Variants in ADAM10 observed in about 807,000 individuals in gnomAD.
ADAM10 encodes the protein disintegrin and metalloproteinase domain-containing protein 10.
In ADAM10, 17 loss-of-function variants were observed where a neutral mutation model predicts 90.1. The ratio of observed to expected loss-of-function variants is 0.19; its 90% CI spans 0.13 to 0.28. ADAM10 has a LOEUF of 0.28. Ranked by LOEUF, ADAM10 falls within the 10% of genes least tolerant of loss-of-function variation. ADAM10 has a pLI of 1.00. For synonymous variants in ADAM10, 310 were observed against 298.6 expected (o/e 1.04, Z -0.40); for missense variants, 610 against 914.3 (o/e 0.67, Z 4.29).
intron 5 of ADAM10, among the ~76,000 whole-genome samples, chr15:58,662,537 G>A (rs1050764686): frequency 1.3e-5 from 2 of 152,146 alleles, no homozygotes; most frequent in African/African-American, 4.8e-5. Flanking sequence ...ATGGAGATGA[G>A]ATCTGGCTAG....
At chr15:58,605,018 G>T (rs1595984197) in intron 14 of ADAM10, among the ~76,000 whole-genome samples, 1 of 152,238 alleles carries the variant, frequency 6.6e-6, no homozygotes, top group East Asian at 1.9e-4. Context: ...AAGATTAAAG[G>T]TATAAGCTAC....
At chr15:58,599,502 T>C (rs1895052669) in intron 15 of ADAM10, 96 bp downstream of exon 15, 3 of 1,383,380 alleles carry the variant, frequency 2.2e-6, no homozygotes, top group African/African-American at 2.9e-5. Flanking sequence ...GAGAAAGTAC[T>C]GTAACATTAG....
rs189444913 is a variant in ADAM10 at position 58,665,007 on chromosome 15, A to C, written c.585+90T>G. ...TCCCCACAGTGGTGTTAAGTCTTTC[A>C]GAAATCCTAGAACATATATTTTAAA... On this transcript the variant is annotated intron_variant, in intron 5 of 15. Transcript: ENST00000260408. The C allele has an allele frequency of 4.6e-4, 494 of 1,077,774 alleles. 2 individuals are homozygous for C. The African/African-American group carries it at 6.9e-3, about 15-fold the overall frequency. 66.8% of individuals were successfully genotyped at this position (1,077,774 alleles called of 1,614,324 possible). A position where few individuals can be genotyped will look rare whatever the true frequency, so the allele number is the denominator to read the frequency against.
intron 9 of ADAM10, among the ~76,000 whole-genome samples, chr15:58,628,408 A>G (rs1356651837): frequency 2.0e-5 from 3 of 152,246 alleles, no homozygotes; most frequent in South Asian, 2.1e-4. Context: ...GACTAGGAAC[A>G]GAAACACAAT....
chr15:58,610,195 T>A (rs142765311), intron 14 of ADAM10, 102 bp downstream of exon 14: 1 of 909,492 alleles, frequency 1.1e-6, no homozygotes, highest in Admixed American at 2.0e-5. Flanking sequence ...AATTCTAATA[T>A]AAATAGTTAA....
At chr15:58,678,312 G>C (rs1030218601) in intron 4 of ADAM10, among the ~76,000 whole-genome samples, 1 of 152,034 alleles carries the variant, frequency 6.6e-6, no homozygotes, top group Non-Finnish European at 1.5e-5. Flanking sequence ...GCTTGTCAGT[G>C]TATTACTAGG....
Position 58,688,766 on chromosome 15 carries a change from T to TTATATATATATATATATATA in ADAM10, c.207-6472_207-6453dup, listed in dbSNP as rs780219725. 1.2e-3 allele frequency among the ~76,000 whole-genome samples: 150 copies of TTATATATATATATATATATA among 121,784 alleles called. 1 individual carries two copies. Among genetic ancestry groups the TTATATATATATATATATATA allele is most frequent in the African/African-American group, 4.2e-3 (115 of 27,104 alleles). 79.9% of individuals were successfully genotyped at this position (121,784 alleles called of 152,430 possible). A position where few individuals can be genotyped will look rare whatever the true frequency, so the allele number is the denominator to read the frequency against. ...ATAATTTCTAAAATGAAAAAAAAAA[T>TTATATATATATATATATATA]TATATATATATATATATATATCTCT... On this transcript the variant is annotated intron_variant, in intron 2 of 15. Coordinates refer to ENST00000260408, the MANE Select transcript of ADAM10 (RefSeq NM_001110.4).
In ADAM10 at chr15:58,599,473, C is replaced by T. The variant is rs181100749; in HGVS notation, c.2152+125G>A. 362 of 1,186,798 alleles carry T rather than the reference C, an allele frequency of 3.1e-4. No homozygotes were observed. The African/African-American group carries it at 4.8e-3, about 16-fold the overall frequency. 73.5% of individuals were successfully genotyped at this position (1,186,798 alleles called of 1,614,324 possible). A position where few individuals can be genotyped will look rare whatever the true frequency, so the allele number is the denominator to read the frequency against. ...ACAAATATCAACTAAATCATTCATC[C>T]AATAATCCCATTCTTACGGAGAAAG... On this transcript the variant is annotated intron_variant, in intron 15 of 15. Transcript: ENST00000260408.
At chr15:58,692,143 G>A (rs375405794) in intron 2 of ADAM10, 29 of 520,700 alleles carry the variant, frequency 5.6e-5, no homozygotes, top group South Asian at 2.5e-4. Flanking sequence ...ACACATGATG[G>A]ACACAGAGTT....
intron 4 of ADAM10, among the ~76,000 whole-genome samples, chr15:58,669,435 G>C (rs1202167472): frequency 6.6e-6 from 1 of 152,154 alleles, no homozygotes; most frequent in African/African-American, 2.4e-5. Context: ...CCAGAACTGT[G>C]AGGTCAGGAA....
chr15:58,603,430 A>G (rs1356019100), intron 14 of ADAM10, among the ~76,000 whole-genome samples: 1 of 152,202 alleles, frequency 6.6e-6, no homozygotes, highest in Non-Finnish European at 1.5e-5. Flanking sequence ...GGGAAGTGGT[A>G]ACACCTCTAA....
chr15:58,635,973 C>A (rs771593646), intron 8 of ADAM10, among the ~76,000 whole-genome samples: 1 of 151,992 alleles, frequency 6.6e-6, no homozygotes, highest in African/African-American at 2.4e-5. Flanking sequence ...TTATGATTAT[C>A]GCTTATATGA....
chr15:58,677,851 G>A (rs377561978), intron 4 of ADAM10, among the ~76,000 whole-genome samples: 1 of 152,080 alleles, frequency 6.6e-6, no homozygotes, highest in Admixed American at 6.5e-5. Context: ...AATATTACAG[G>A]AGCAAAAGAA....
At chr15:58,608,321 C>T (rs866410711) in intron 14 of ADAM10, among the ~76,000 whole-genome samples, 1 of 152,210 alleles carries the variant, frequency 6.6e-6, no homozygotes, top group African/African-American at 2.4e-5. Flanking sequence ...GCTTCTTACA[C>T]AAGAGCATCC....
rs192611393 is a variant in ADAM10 at position 58,589,508 on chromosome 15, C to G, written c.*8039G>C. 6.6e-6 allele frequency: 1 copy of G among 152,228 alleles called. No homozygotes were observed. The highest frequency in any genetic ancestry group is 1.5e-5 in the Non-Finnish European group (1 of 68,056). 9.4% of individuals were successfully genotyped at this position (152,228 alleles called of 1,614,324 possible). On this transcript the variant is annotated 3_prime_UTR_variant, in exon 16 of 16. Transcript: ENST00000260408. ...GTGTTTGTAGAGTTTCCAACACAAA[C>G]CCCTCTGTACTGTAACTGCTGGTTT... is the stretch of plus-strand genomic sequence containing the variant.
At chr15:58,643,021 A>G (rs1019047318) in intron 7 of ADAM10, among the ~76,000 whole-genome samples, 5 of 152,226 alleles carry the variant, frequency 3.3e-5, no homozygotes, top group African/African-American at 9.6e-5. Context: ...ATAGGAAAGC[A>G]TAAATATTAA....
intron 11 of ADAM10, among the ~76,000 whole-genome samples, chr15:58,612,486 T>C (rs950228215): frequency 6.6e-6 from 1 of 152,132 alleles, no homozygotes; most frequent in Non-Finnish European, 1.5e-5. Flanking sequence ...CTCCCCACAG[T>C]AGTCATCACT....
At chr15:58,745,258 T>C (rs553229609) in intron 1 of ADAM10, among the ~76,000 whole-genome samples, 146 of 152,338 alleles carry the variant, frequency 9.6e-4, no homozygotes, top group Non-Finnish European at 1.6e-3. Context: ...CTGCCAACAA[T>C]GTTAGGAAAA....
chr15:58,629,827 T>C (rs897743370), intron 9 of ADAM10, among the ~76,000 whole-genome samples: 1 of 151,878 alleles, frequency 6.6e-6, no homozygotes, highest in African/African-American at 2.4e-5. Context: ...GGCTGGAGTG[T>C]AGTGGCGTGA....
Sources: allele counts gnomAD v4.1 joint callset (sites outside exome capture counted in the v4.1 genomes callset), GRCh38; gene constraint gnomAD v4.1.1; transcripts MANE v1.5; gene names NCBI Gene and HGNC (gene_info 2026-07-23, HGNC 2026-07-21).